REV3L: variants seen among roughly 807,000 people sequenced by gnomAD.
The protein encoded by REV3L is DNA polymerase zeta catalytic subunit.
A neutral mutation model predicts 299.4 loss-of-function variants in REV3L; 69 were observed. That is an observed-to-expected ratio of 0.23 (90% CI 0.19 to 0.28). REV3L has a LOEUF of 0.28. Among genes scored for constraint, REV3L ranks in the 10% least tolerant of loss-of-function variants. The pLI is 1.00. For missense variants in REV3L, 3,128 were observed against 3,693.8 expected, an observed-to-expected ratio of 0.85 and a Z score of 3.97; for synonymous variants, 1,238 against 1,271.4, an observed-to-expected ratio of 0.97 and a Z score of 0.56.
chr6:111,325,495 A>C (rs1774681550), intron 25 of REV3L, among the ~76,000 whole-genome samples: 1 of 152,018 alleles, frequency 6.6e-6, no homozygotes, highest in Non-Finnish European at 1.5e-5. Flanking sequence ...ACATTTATTT[A>C]TTCTCCATAT....
At chr6:111,395,161 T>A (rs1451858886) in intron 4 of REV3L, among the ~76,000 whole-genome samples, 1 of 152,242 alleles carries the variant, frequency 6.6e-6, no homozygotes, top group Non-Finnish European at 1.5e-5. Context: ...CAACTGTTCT[T>A]TTTGCTCAGG....
At chr6:111,337,734 TTTTG>T (rs1278461971) in intron 21 of REV3L, among the ~76,000 whole-genome samples, 1 of 152,212 alleles carries the variant, frequency 6.6e-6, no homozygotes, top group Non-Finnish European at 1.5e-5. Flanking sequence ...ATCTGCATTG[TTTTG>T]TTTTAGATCA....
At chr6:111,406,036 AT>A (rs1357657861) in intron 3 of REV3L, among the ~76,000 whole-genome samples, 1 of 151,942 alleles carries the variant, frequency 6.6e-6, no homozygotes, top group Non-Finnish European at 1.5e-5. Context: ...TTTCCTGAGT[AT>A]TTTTTTTCCC....
chr6:111,345,079 A>G (rs1159363296), intron 20 of REV3L, among the ~76,000 whole-genome samples: 2 of 152,230 alleles, frequency 1.3e-5, no homozygotes, highest in Admixed American at 1.3e-4. Flanking sequence ...GAATGAGGAA[A>G]AGGCCACAAG....
At chr6:111,349,637 G>C (rs2114936322) in intron 19 of REV3L, among the ~76,000 whole-genome samples, 1 of 152,108 alleles carries the variant, frequency 6.6e-6, no homozygotes, top group Admixed American at 6.5e-5. Flanking sequence ...TGCAATCATA[G>C]CACACTACAG....
intron 1 of REV3L, among the ~76,000 whole-genome samples, chr6:111,471,816 C>T (rs1490103060): frequency 1.3e-5 from 2 of 152,016 alleles, no homozygotes; most frequent in East Asian, 1.9e-4. Flanking sequence ...CCTTTTTTAA[C>T]AGCAATGTGG....
chr6:111,422,619 T>TATATATATAC (rs1785579960), intron 1 of REV3L, among the ~76,000 whole-genome samples: 2 of 28,986 alleles, frequency 6.9e-5, no homozygotes, highest in Admixed American at 3.7e-4. Context: ...TATACACATA[T>TATATATATAC]ATATATATAT....
At chr6:111,314,004 T>A (rs1773258277) in intron 27 of REV3L, among the ~76,000 whole-genome samples, 1 of 152,352 alleles carries the variant, frequency 6.6e-6, no homozygotes, top group South Asian at 2.1e-4. Context: ...CTCACAGTGT[T>A]TAAGCGGGCT....
chr6:111,333,876 A>G (rs998501785), intron 22 of REV3L, among the ~76,000 whole-genome samples: 1 of 152,258 alleles, frequency 6.6e-6, no homozygotes. Context: ...AAACATGTCA[A>G]ATAACTTAAA....
At chr6:111,358,562 G>A (rs892447819) in intron 17 of REV3L, among the ~76,000 whole-genome samples, 7 of 152,108 alleles carry the variant, frequency 4.6e-5, no homozygotes, top group Non-Finnish European at 8.8e-5. Flanking sequence ...TCCTGGGCTC[G>A]AGCAATCCTG....
At chr6:111,361,962 T>C (rs1778735702) in intron 16 of REV3L, among the ~76,000 whole-genome samples, 1 of 152,152 alleles carries the variant, frequency 6.6e-6, no homozygotes, top group Non-Finnish European at 1.5e-5. Context: ...AGAGGGCCCA[T>C]GGTTCTGAAA....
chr6:111,373,506 A>G lies in REV3L; in HGVS notation c.4849T>C (p.Ser1617Pro). Residue 1617 changes from serine to proline, a missense_variant, in exon 13 of 32, where the codon TCA (serine) becomes CCA (proline). By Grantham distance (74) the Ser-to-Pro change is moderately conservative (BLOSUM62 -1). Coordinates refer to ENST00000368802, the MANE Select transcript of REV3L (RefSeq NM_001372078.1). Reference sequence around the variant, plus strand: ...GAAAAAAAGATGGGACTATCATCTGATACAGAGTTATCCAACTGGCTAGAG... The same window carrying G: ...GAAAAAAAGATGGGACTATCATCTGGTACAGAGTTATCCAACTGGCTAGAG... ...QNSSQLDNSVSDDSPIFFSDP... is the reference protein window; with the variant it reads ...QNSSQLDNSVPDDSPIFFSDP... The G allele has an allele frequency of 6.2e-7, 1 of 1,613,518 alleles. No individual in the cohort carries two copies.
chr6:111,354,480 G>T (rs1777894153), intron 18 of REV3L, among the ~76,000 whole-genome samples: 1 of 152,096 alleles, frequency 6.6e-6, no homozygotes, highest in South Asian at 2.1e-4. Flanking sequence ...TGTCCCTTTA[G>T]AAGAATTGTA....
At chr6:111,355,984 T>G (rs1407334733) in intron 18 of REV3L, among the ~76,000 whole-genome samples, 2 of 152,168 alleles carry the variant, frequency 1.3e-5, no homozygotes, top group East Asian at 3.8e-4. Flanking sequence ...GTCATTTAAT[T>G]TTGTTTTGTA....
intron 3 of REV3L, among the ~76,000 whole-genome samples, chr6:111,408,922 TG>T (rs1368567757): frequency 6.6e-6 from 1 of 152,058 alleles, no homozygotes; most frequent in Non-Finnish European, 1.5e-5. Context: ...TGACCTCACG[TG>T]ATCTACCCAC....
At chr6:111,481,435 G>T (rs982196985) in intron 1 of REV3L, among the ~76,000 whole-genome samples, 1 of 152,120 alleles carries the variant, frequency 6.6e-6, no homozygotes, top group Non-Finnish European at 1.5e-5. Flanking sequence ...CATCTTTCAA[G>T]GTTCATATCA....
In REV3L at chr6:111,431,365, T is replaced by A. The variant is rs1786903568; in HGVS notation, c.140-14893A>T. The A allele has an allele frequency of 3.1e-5, 31 of 987,592 alleles. No homozygotes were observed. In the South Asian group the frequency reaches 3.6e-4, roughly 11 times the overall value. 61.2% of individuals were successfully genotyped at this position (987,592 alleles called of 1,614,324 possible). A position where few individuals can be genotyped will look rare whatever the true frequency, so the allele number is the denominator to read the frequency against. On this transcript the variant is annotated intron_variant, in intron 1 of 31. Transcript: ENST00000368802. The stretch of plus-strand genomic sequence containing the variant: ...CACCAGGATGTCTGGACTCCAATAC[T>A]TCAAGACAGGCTCATAGCGCTGAAA...
intron 2 of REV3L, chr6:111,412,396 C>G (rs182861790): frequency 3.4e-6 from 1 of 293,592 alleles, no homozygotes; most frequent in Non-Finnish European, 5.1e-6. Flanking sequence ...TCAGGAGGAT[C>G]TGAAACTACA....
intron 13 of REV3L, 52 bp from the exon 14 acceptor site, chr6:111,368,080 A>C (rs1035746989): frequency 6.9e-7 from 1 of 1,453,310 alleles, no homozygotes; most frequent in Middle Eastern, 2.3e-4. Flanking sequence ...GCAATTACCA[A>C]AATATTTAAC....
Sources: gnomAD v4.1 joint callset for allele counts (sites outside exome capture counted in the v4.1 genomes callset) on GRCh38, gnomAD v4.1.1 for gene constraint, MANE v1.5 for transcripts, NCBI Gene and HGNC (gene_info 2026-07-23, HGNC 2026-07-21) for gene names.